Variants in BTBD16 observed in about 807,000 individuals in gnomAD.
BTBD16 encodes BTB domain containing 16, also known as BTB/POZ domain-containing protein 16.
Under a neutral mutation model 67.4 loss-of-function variants are expected in BTBD16, and 66 were observed. The observed-to-expected ratio is 0.98, with a 90% CI of 0.80 to 1.20. The LOEUF (loss-of-function observed/expected upper bound fraction) is 1.20. Among genes scored for constraint, BTBD16 ranks in the 50% most tolerant of loss-of-function variants. The pLI, the probability that BTBD16 is intolerant of heterozygous loss-of-function variation, is 0.00. For synonymous variants in BTBD16, 242 were observed against 236.4 expected, an observed-to-expected ratio of 1.02 and a Z score of -0.22; for missense variants, 634 against 616.0, an observed-to-expected ratio of 1.03 and a Z score of -0.31.
chr10:122,326,615 C>T (rs12359293), intron 10 of BTBD16, among the ~76,000 whole-genome samples: 1,765 of 152,226 alleles, frequency 0.012, 18 homozygotes, highest in Non-Finnish European at 0.019. Context: ...CGAAGAGCAC[C>T]TCTAAAATAC....
intron 10 of BTBD16, among the ~76,000 whole-genome samples, chr10:122,312,541 C>T (rs2421008): frequency 0.039 from 5,970 of 151,504 alleles, 360 homozygotes; most frequent in East Asian, 0.23. Flanking sequence ...CTTGAACTCC[C>T]AACCTTAAGT....
intron 9 of BTBD16, chr10:122,303,616 C>T (rs537423607): frequency 6.9e-5 from 47 of 681,784 alleles, no homozygotes; most frequent in South Asian, 1.3e-4. Flanking sequence ...GGTCTACATA[C>T]GAAAGAGGAC....
intron 9 of BTBD16, among the ~76,000 whole-genome samples, chr10:122,300,279 A>T (rs1340898765): frequency 6.6e-6 from 1 of 152,130 alleles, no homozygotes; most frequent in Non-Finnish European, 1.5e-5. Context: ...AGAATAATGC[A>T]TAGAATATAT....
intron 14 of BTBD16, among the ~76,000 whole-genome samples, chr10:122,335,182 C>T (rs913432407): frequency 6.6e-6 from 1 of 152,178 alleles, no homozygotes; most frequent in African/African-American, 2.4e-5. Flanking sequence ...GCCCATTTAG[C>T]GGATGAGGAT....
At chr10:122,274,453 A>G (rs537973538) in intron 1 of BTBD16, among the ~76,000 whole-genome samples, 16 of 152,146 alleles carry the variant, frequency 1.1e-4, no homozygotes, top group Non-Finnish European at 2.1e-4. Flanking sequence ...TTTTGAGTCT[A>G]TGAGACCCTC....
rs376764537 is a variant in BTBD16, at chr10:122,291,017, C to T, written c.476-63C>T. 267 of 1,478,682 alleles carry T rather than the reference C, an allele frequency of 1.8e-4. 1 individual carries two copies. In the African/African-American group the frequency reaches 2.4e-3, roughly 13 times the overall value. 91.6% of individuals were successfully genotyped at this position (1,478,682 alleles called of 1,614,324 possible). On this transcript the variant is annotated intron_variant, in intron 6 of 15. Coordinates refer to ENST00000260723, the MANE Select transcript of BTBD16 (RefSeq NM_144587.5). ...GCCCAGCTGCAGGAGTGAGGGAGGG[C>T]GCTGGGTGGTGTCCTGTGTGCAGAG...
intron 10 of BTBD16, among the ~76,000 whole-genome samples, chr10:122,328,254 C>A (rs530640976): frequency 6.6e-6 from 1 of 152,298 alleles, no homozygotes; most frequent in East Asian, 1.9e-4. Context: ...CTCCACTTAC[C>A]CTCGGTAATG....
chr10:122,297,946 G>A, intron 8 of BTBD16, 109 bp downstream of exon 8: 1 of 895,160 alleles, frequency 1.1e-6, no homozygotes, highest in Non-Finnish European at 1.7e-6. Context: ...ATATCTATTT[G>A]AAGTCATCAA....
intron 10 of BTBD16, among the ~76,000 whole-genome samples, chr10:122,308,188 G>T (rs929138975): frequency 1.3e-5 from 2 of 152,206 alleles, no homozygotes; most frequent in Non-Finnish European, 2.9e-5. Flanking sequence ...GAGCTAGAAT[G>T]TGGTGATTCA....
chr10:122,278,126 G>A (rs990096819), intron 3 of BTBD16, among the ~76,000 whole-genome samples: 12 of 152,190 alleles, frequency 7.9e-5, no homozygotes, highest in Non-Finnish European at 1.6e-4. Context: ...AGGGATGCAG[G>A]TGCTGGAGCT....
chr10:122,291,898 G>A (rs1413943363), intron 7 of BTBD16, among the ~76,000 whole-genome samples: 1 of 152,150 alleles, frequency 6.6e-6, no homozygotes, highest in Non-Finnish European at 1.5e-5. Flanking sequence ...GGAGGAGGTG[G>A]TGGGGAACCA....
intron 10 of BTBD16, chr10:122,328,740 C>A (rs932736688): frequency 4.1e-6 from 4 of 985,102 alleles, no homozygotes; most frequent in Admixed American, 6.2e-5. Flanking sequence ...GAAAAGTGAC[C>A]ATTTTTGTGA....
intron 3 of BTBD16, among the ~76,000 whole-genome samples, chr10:122,280,881 C>T (rs2096351505): frequency 6.6e-6 from 1 of 152,190 alleles, no homozygotes; most frequent in South Asian, 2.1e-4. Flanking sequence ...TCACAGCTCA[C>T]TGCAGCCTCA....
intron 10 of BTBD16, among the ~76,000 whole-genome samples, chr10:122,324,192 G>A (rs2096440355): frequency 6.6e-6 from 1 of 152,188 alleles, no homozygotes; most frequent in Non-Finnish European, 1.5e-5. Context: ...TTGTGCACTG[G>A]ATGAATTCCT....
intron 9 of BTBD16, among the ~76,000 whole-genome samples, chr10:122,304,566 T>C (rs1466181943): frequency 1.3e-5 from 2 of 148,362 alleles, no homozygotes; most frequent in Admixed American, 1.3e-4. Context: ...TTTTTTTTTT[T>C]TTTTTTGAGA....
At chr10:122,328,421 C>G (rs2096449119) in intron 10 of BTBD16, among the ~76,000 whole-genome samples, 1 of 152,218 alleles carries the variant, frequency 6.6e-6, no homozygotes, top group Admixed American at 6.5e-5. Context: ...GTGCCTACAA[C>G]TTTTCTGCAC....
At chr10:122,314,460 T>C (rs2096420241) in intron 10 of BTBD16, among the ~76,000 whole-genome samples, 1 of 152,126 alleles carries the variant, frequency 6.6e-6, no homozygotes, top group Non-Finnish European at 1.5e-5. Flanking sequence ...GCTGTGATTG[T>C]GCCGATGCAC....
intron 15 of BTBD16, among the ~76,000 whole-genome samples, chr10:122,337,537 T>C (rs185894459): frequency 1.4e-3 from 206 of 152,310 alleles, no homozygotes; most frequent in Admixed American, 3.1e-3. Context: ...CAATCTCGGC[T>C]CACTGCAAGC....
intron 10 of BTBD16, among the ~76,000 whole-genome samples, chr10:122,315,231 C>T (rs577563943): frequency 1.5e-4 from 23 of 152,114 alleles, no homozygotes; most frequent in African/African-American, 4.6e-4. Flanking sequence ...AAAGTGAGTA[C>T]GTTTTAAACA....
Sources: allele counts gnomAD v4.1 joint callset (sites outside exome capture counted in the v4.1 genomes callset), GRCh38; gene constraint gnomAD v4.1.1; transcripts MANE v1.5; gene names NCBI Gene and HGNC (gene_info 2026-07-23, HGNC 2026-07-21).